The following UGT2A2 variants were observed in gnomAD, a reference collection of about 807,000 sequenced individuals.
UGT2A2 encodes the protein UDP glucuronosyltransferase family 2 member A2, also known as UDP-glucuronosyltransferase 2A2.
UGT2A2 carries 60 observed loss-of-function variants against 50.7 expected under a neutral mutation model. The ratio of observed to expected loss-of-function variants is 1.18; its 90% CI spans 0.96 to 1.47. The LOEUF is 1.47. Ranked by LOEUF, UGT2A2 falls within the 40% of genes most tolerant of loss-of-function variation. UGT2A2 has a pLI of 0.00. For missense variants in UGT2A2, 762 were observed against 634.0 expected (o/e 1.20, Z -2.17); for synonymous variants, 242 against 214.6 (o/e 1.13, Z -1.11).
At chr4:69,634,073 G>A (rs1393012208) in intron 1 of UGT2A2, among the ~76,000 whole-genome samples, 5 of 151,956 alleles carry the variant, frequency 3.3e-5, no homozygotes, top group African/African-American at 1.2e-4. Flanking sequence ...GTGAAACCCC[G>A]TCTCTACTAA....
In UGT2A2 at chr4:69,602,514, C is replaced by A. The variant is rs531042075; in HGVS notation, c.743-3120G>T. Among the ~76,000 whole-genome samples the A allele has an allele frequency of 3.7e-4, 51 of 136,142 alleles. 8 individuals carry two copies. Among genetic ancestry groups the A allele is most frequent in the Non-Finnish European group, 6.9e-4 (44 of 64,090 alleles). 89.3% of individuals were successfully genotyped at this position (136,142 alleles called of 152,430 possible). A position where few individuals can be genotyped will look rare whatever the true frequency, so the allele number is the denominator to read the frequency against. On this transcript the variant is annotated intron_variant, in intron 1 of 5. Transcript: ENST00000604629. ...ATCTATCTATCTATCTATCTGATAT[C>A]ATGTTATGTAACAAATCCAAAACAA...
intron 1 of UGT2A2, among the ~76,000 whole-genome samples, chr4:69,618,207 G>GTGTGTATGTT (rs1553905697): frequency 1.5e-3 from 109 of 72,796 alleles, no homozygotes; most frequent in African/African-American, 4.1e-3. Flanking sequence ...GTGTGTGTGT[G>GTGTGTATGTT]TGTGTGTGTA....
At chr4:69,611,880 G>T (rs887159527) in intron 1 of UGT2A2, among the ~76,000 whole-genome samples, 1 of 152,006 alleles carries the variant, frequency 6.6e-6, no homozygotes, top group Non-Finnish European at 1.5e-5. Context: ...TTACACATAC[G>T]CATTCACATA....
chr4:69,639,577 T>C lies in UGT2A2; in HGVS notation c.64A>G (p.Thr22Ala). 6.2e-7 allele frequency: 1 copy of C among 1,610,494 alleles called. No homozygotes were observed. The highest frequency in any genetic ancestry group is 8.5e-7 in the Non-Finnish European group (1 of 1,178,686). The change falls in exon 1 of 6, where the codon ACT becomes GCT. Residue 22 changes from threonine (T) to alanine (A), a missense_variant. Coordinates refer to ENST00000604629, the MANE Select transcript of UGT2A2 (RefSeq NM_001105677.2). ...CCACTTAGAACAACTTCAGTCAGAG[T>C]CAAATTAAAAACCAGCATCTGGACA... ...KFVQMLVFNL[T>A]LTEVVLSGNV...
intron 5 of UGT2A2, among the ~76,000 whole-genome samples, chr4:69,590,761 CA>C (rs1259561539): frequency 1.3e-5 from 2 of 151,880 alleles, no homozygotes; most frequent in Non-Finnish European, 2.9e-5. Context: ...ACATGTGAAT[CA>C]AAAAATAAGA....
intron 1 of UGT2A2, among the ~76,000 whole-genome samples, chr4:69,612,961 A>T (rs7680856): frequency 0.39 from 58,780 of 150,046 alleles, 11,814 homozygotes; most frequent in African/African-American, 0.47. Flanking sequence ...AATGGGAGAA[A>T]ATATTTACAA....
intron 1 of UGT2A2, among the ~76,000 whole-genome samples, chr4:69,612,458 G>A (rs560432668): frequency 9.2e-5 from 14 of 151,948 alleles, no homozygotes; most frequent in South Asian, 2.1e-4. Flanking sequence ...GAACTAAGCC[G>A]AAAGCACCAT....
At chr4:69,621,763 A>G (rs966377392) in intron 1 of UGT2A2, among the ~76,000 whole-genome samples, 4 of 152,012 alleles carry the variant, frequency 2.6e-5, no homozygotes, top group Admixed American at 1.3e-4. Context: ...AATGCCTATC[A>G]ACGACAGATT....
chr4:69,608,008 G>A (rs1553904542), intron 1 of UGT2A2, among the ~76,000 whole-genome samples: 1 of 152,154 alleles, frequency 6.6e-6, no homozygotes, highest in Non-Finnish European at 1.5e-5. Context: ...GGAAGTCAGT[G>A]TGGCAATTTC....
chr4:69,632,889 A>G (rs1048693530), intron 1 of UGT2A2, among the ~76,000 whole-genome samples: 66 of 151,634 alleles, frequency 4.4e-4, no homozygotes, highest in African/African-American at 1.6e-3. Flanking sequence ...CTCGGTCAAA[A>G]AAAAAAAAAA....
At chr4:69,633,610 C>T (rs1246908506) in intron 1 of UGT2A2, among the ~76,000 whole-genome samples, 1 of 152,116 alleles carries the variant, frequency 6.6e-6, no homozygotes, top group African/African-American at 2.4e-5. Context: ...CTCCATATAG[C>T]TATAAGAATG....
chr4:69,620,529 G>A (rs1267148362), intron 1 of UGT2A2, among the ~76,000 whole-genome samples: 7 of 151,462 alleles, frequency 4.6e-5, no homozygotes, highest in East Asian at 3.9e-4. Flanking sequence ...AGGAATAATC[G>A]ATATCATTAA....
chr4:69,611,947 T>C (rs1484754983), intron 1 of UGT2A2, among the ~76,000 whole-genome samples: 1 of 152,036 alleles, frequency 6.6e-6, no homozygotes. Context: ...TACATGGAAA[T>C]GTATAGCAAG....
intron 2 of UGT2A2, among the ~76,000 whole-genome samples, chr4:69,597,118 T>C (rs142797499): frequency 9.3e-4 from 142 of 152,346 alleles, no homozygotes; most frequent in Admixed American, 4.3e-3. Context: ...TTAATAAATT[T>C]ATCGGTTCCT....
chr4:69,632,383 C>T (rs911402723), intron 1 of UGT2A2, among the ~76,000 whole-genome samples: 3 of 152,130 alleles, frequency 2.0e-5, no homozygotes, highest in Non-Finnish European at 4.4e-5. Context: ...ACACACAGCA[C>T]CTTTCAGAAT....
intron 2 of UGT2A2, among the ~76,000 whole-genome samples, chr4:69,597,089 G>A (rs138868948): frequency 2.2e-4 from 33 of 152,216 alleles, no homozygotes; most frequent in African/African-American, 7.9e-4. Context: ...TAGCATTCCA[G>A]TTATATCTAA....
intron 2 of UGT2A2, 48 bp downstream of exon 2, chr4:69,599,198 A>G (rs771965385): frequency 6.5e-7 from 1 of 1,546,880 alleles, no homozygotes; most frequent in Non-Finnish European, 8.7e-7. Context: ...AAGAAAATTA[A>G]GTATTTTATT....
intron 1 of UGT2A2, among the ~76,000 whole-genome samples, chr4:69,613,693 T>C (rs12644575): frequency 0.14 from 21,524 of 152,030 alleles, 1,715 homozygotes; most frequent in Non-Finnish European, 0.18. Flanking sequence ...ATAAATGTGA[T>C]ACATCTTATC....
rs1030198018 is a variant in UGT2A2, at chr4:69,594,766, G to A, written c.1112-70C>T. ...ATTAGCAGAATTTGAGAGACAGAAG[G>A]GGTCAAAAAGCTGTAATGTAACTCT... On this transcript the variant is annotated intron_variant, in intron 4 of 5. Transcript: ENST00000604629. The A allele has an allele frequency of 6.0e-6, 9 of 1,511,818 alleles. No individual in the cohort carries two copies. In the African/African-American group the frequency reaches 1.1e-4, roughly 19 times the overall value. 93.7% of individuals were successfully genotyped at this position (1,511,818 alleles called of 1,614,324 possible). A position where few individuals can be genotyped will look rare whatever the true frequency, so the allele number is the denominator to read the frequency against.
Sources: allele counts gnomAD v4.1 joint callset (sites outside exome capture counted in the v4.1 genomes callset), GRCh38; gene constraint gnomAD v4.1.1; transcripts MANE v1.5; gene names NCBI Gene and HGNC (gene_info 2026-07-23, HGNC 2026-07-21).